Variants in ADGRL3 observed in about 807,000 individuals in gnomAD.
The protein encoded by ADGRL3 is calcium-independent alpha-latrotoxin receptor 3.
Under a neutral mutation model 153.5 loss-of-function variants are expected in ADGRL3, and 62 were observed. The observed-to-expected ratio is 0.40, with a 90% CI of 0.33 to 0.50. The LOEUF is 0.50. Ranked by LOEUF, ADGRL3 falls within the 20% of genes least tolerant of loss-of-function variation. The pLI, the probability that ADGRL3 is intolerant of heterozygous loss-of-function variation, is 0.47. For synonymous variants in ADGRL3, 710 were observed against 672.5 expected (o/e 1.06, Z -0.86); for missense variants, 1,641 against 1,859.4 (o/e 0.88, Z 2.16).
chr4:61,485,002 C>T (rs1180377398), intron 2 of ADGRL3, among the ~76,000 whole-genome samples: 2 of 152,116 alleles, frequency 1.3e-5, no homozygotes, highest in African/African-American at 2.4e-5. Flanking sequence ...TTTAAATAAG[C>T]TCTTAATCAG....
intron 2 of ADGRL3, among the ~76,000 whole-genome samples, chr4:61,413,912 C>T (rs977928962): frequency 6.6e-5 from 10 of 152,166 alleles, no homozygotes; most frequent in Admixed American, 1.3e-4. Context: ...TACAGTAGTC[C>T]TCCTTTATTC....
chr4:61,813,798 T>C lies in ADGRL3; in HGVS notation c.1400-11T>C. 6.2e-7 allele frequency: 1 copy of C among 1,604,982 alleles called. No individual in the cohort carries two copies. The highest frequency in any genetic ancestry group is 8.5e-7 in the Non-Finnish European group (1 of 1,171,846). On this transcript the variant is annotated splice_polypyrimidine_tract_variant and intron_variant, in intron 8 of 26. Transcript: ENST00000683033. Reference sequence around the variant, plus strand: ...ATGATGTCTTCTTAACAATTTGTTTTGGGTCCACAGGGCAGGCACATCATG... The same window carrying C: ...ATGATGTCTTCTTAACAATTTGTTTCGGGTCCACAGGGCAGGCACATCATG...
intron 4 of ADGRL3, among the ~76,000 whole-genome samples, chr4:61,568,139 C>T (rs2098823827): frequency 6.6e-6 from 1 of 152,046 alleles, no homozygotes; most frequent in Non-Finnish European, 1.5e-5. Context: ...TATCTGATTT[C>T]ATCGGAAATA....
chr4:61,438,933 G>A (rs1174744031), intron 2 of ADGRL3, among the ~76,000 whole-genome samples: 3 of 151,664 alleles, frequency 2.0e-5, no homozygotes, highest in African/African-American at 4.8e-5. Context: ...GGTCTCGATC[G>A]CCTGACCTCA....
chr4:61,840,916 T>C (rs1317868411), intron 9 of ADGRL3, among the ~76,000 whole-genome samples: 1 of 152,194 alleles, frequency 6.6e-6, no homozygotes, highest in Non-Finnish European at 1.5e-5. Context: ...TCTTTTAGAA[T>C]TGCTTTCTTC....
In ADGRL3 at chr4:61,447,738, C is replaced by T. The variant is rs1199858390; in HGVS notation, c.-173-49383C>T. Among the ~76,000 whole-genome samples the T allele has an allele frequency of 3.3e-5, 5 of 152,150 alleles. No individual in the cohort carries two copies. The East Asian group carries it at 9.6e-4, about 29-fold the overall frequency. On this transcript the variant is annotated intron_variant, in intron 2 of 26. Coordinates refer to ENST00000683033, the MANE Select transcript of ADGRL3 (RefSeq NM_001387552.1). Reference sequence around the variant, plus strand: ...TTTGCTTAATATTACAGCTTTGCCCCTTTTCTGTAAGTCTTTTGGGATCCT... The same window carrying T: ...TTTGCTTAATATTACAGCTTTGCCCTTTTTCTGTAAGTCTTTTGGGATCCT...
At chr4:61,403,459 G>C (rs180864809) in intron 2 of ADGRL3, among the ~76,000 whole-genome samples, 1 of 152,136 alleles carries the variant, frequency 6.6e-6, no homozygotes, top group African/African-American at 2.4e-5. Flanking sequence ...GAGATTCTGG[G>C]TTGGTATGCA....
intron 8 of ADGRL3, among the ~76,000 whole-genome samples, chr4:61,754,476 AT>A (rs2096795794): frequency 6.6e-6 from 1 of 152,086 alleles, no homozygotes; most frequent in East Asian, 1.9e-4. Flanking sequence ...CAATATCTCA[AT>A]CAAAAAAGTA....
intron 1 of ADGRL3, among the ~76,000 whole-genome samples, chr4:61,357,295 A>G (rs2096193421): frequency 6.6e-6 from 1 of 152,098 alleles, no homozygotes; most frequent in Non-Finnish European, 1.5e-5. Context: ...TATTTTCTGA[A>G]AAGTTGAATT....
chr4:61,738,405 G>C (rs973947341), intron 8 of ADGRL3, among the ~76,000 whole-genome samples: 5 of 152,140 alleles, frequency 3.3e-5, no homozygotes, highest in African/African-American at 1.2e-4. Flanking sequence ...CCTTTTGTGT[G>C]TAATGACCTC....
chr4:61,625,912 TA>T (rs1303247257), intron 5 of ADGRL3, among the ~76,000 whole-genome samples: 1 of 152,120 alleles, frequency 6.6e-6, no homozygotes, highest in Non-Finnish European at 1.5e-5. Flanking sequence ...TCTTTTGCTC[TA>T]TTTTATGTAT....
chr4:61,976,367 TTAA>T (rs1443779958), intron 17 of ADGRL3, among the ~76,000 whole-genome samples: 2 of 152,304 alleles, frequency 1.3e-5, no homozygotes, highest in East Asian at 3.9e-4. Context: ...TGGCAGACTA[TTAA>T]TTATAAACAA....
intron 2 of ADGRL3, among the ~76,000 whole-genome samples, chr4:61,454,443 C>G (rs2097710716): frequency 6.6e-6 from 1 of 151,846 alleles, no homozygotes; most frequent in Non-Finnish European, 1.5e-5. Context: ...ATTTTTAAAA[C>G]AAAACAATGT....
rs1560623083 is a variant in ADGRL3 at position 61,432,623 on chromosome 4, TTTCTTTCTTTCTTTCTTTCTTTC to T, written c.-174+49437_-174+49459del. Among the ~76,000 whole-genome samples, 9 of 83,216 alleles carry T rather than the reference TTTCTTTCTTTCTTTCTTTCTTTC, an allele frequency of 1.1e-4. 2 individuals are homozygous for T. Among genetic ancestry groups the T allele is most frequent in the Non-Finnish European group, 2.3e-4 (9 of 39,096 alleles). 54.6% of individuals were successfully genotyped at this position (83,216 alleles called of 152,430 possible). A position where few individuals can be genotyped will look rare whatever the true frequency, so the allele number is the denominator to read the frequency against. ...CTTTCTTTCTTTCTTTCTTTCTTTC[TTTCTTTCTTTCTTTCTTTCTTTC>T]TTTCTTTCTTTTTTTTTTTTTTTTG... On this transcript the variant is annotated intron_variant, in intron 2 of 26. Coordinates refer to ENST00000683033, the MANE Select transcript of ADGRL3 (RefSeq NM_001387552.1).
At chr4:62,016,628 C>T (rs1268195726) in intron 21 of ADGRL3, among the ~76,000 whole-genome samples, 1 of 152,128 alleles carries the variant, frequency 6.6e-6, no homozygotes, top group Non-Finnish European at 1.5e-5. Flanking sequence ...GGCGAATCCT[C>T]CCATTTTGAT....
chr4:61,687,110 T>C (rs898413525), intron 6 of ADGRL3, among the ~76,000 whole-genome samples: 5 of 152,018 alleles, frequency 3.3e-5, no homozygotes, highest in Admixed American at 6.6e-5. Flanking sequence ...TTCCTGTTAA[T>C]ACCATAAAAT....
intron 8 of ADGRL3, among the ~76,000 whole-genome samples, chr4:61,745,453 C>A (rs2096643638): frequency 6.6e-6 from 1 of 152,012 alleles, no homozygotes; most frequent in Non-Finnish European, 1.5e-5. Context: ...TAAGGGCAGC[C>A]AGAAAGAAAG....
chr4:61,920,202 A>G (rs1581463333), intron 13 of ADGRL3, among the ~76,000 whole-genome samples: 1 of 152,320 alleles, frequency 6.6e-6, no homozygotes, highest in East Asian at 1.9e-4. Context: ...TGCAAATGCA[A>G]GAGAATACAC....
chr4:62,024,421 C>T (rs1384406160), intron 21 of ADGRL3, among the ~76,000 whole-genome samples: 2 of 151,864 alleles, frequency 1.3e-5, no homozygotes, highest in Non-Finnish European at 1.5e-5. Context: ...TAATACATTT[C>T]CTATGAACAA....
Sources: allele counts gnomAD v4.1 joint callset (sites outside exome capture counted in the v4.1 genomes callset), GRCh38; gene constraint gnomAD v4.1.1; transcripts MANE v1.5; gene names NCBI Gene and HGNC (gene_info 2026-07-23, HGNC 2026-07-21).